The following CDK19 variants were observed in gnomAD, a reference collection of about 807,000 sequenced individuals.
CDK19 encodes cyclin-dependent kinase 19.
A neutral mutation model predicts 68.3 loss-of-function variants in CDK19; 20 were observed. The ratio of observed to expected loss-of-function variants is 0.29; its 90% confidence interval spans 0.21 to 0.43. CDK19 has a LOEUF of 0.43. CDK19 is among the 20% of genes least tolerant of loss of function. The pLI, the probability that CDK19 is intolerant of heterozygous loss-of-function variation, is 1.00. For missense variants in CDK19, 339 were observed against 623.5 expected (o/e 0.54, Z 4.86); for synonymous variants, 221 against 222.8 (o/e 0.99, Z 0.07).
rs1283305254 is a variant in CDK19, at chr6:110,621,828, CAGAA to C, written c.1110+256_1110+259del. Among the ~76,000 whole-genome samples the C allele has an allele frequency of 3.9e-5, 6 of 152,106 alleles. No homozygotes were observed. Among genetic ancestry groups the C allele is most frequent in the African/African-American group, 1.4e-4 (6 of 41,400 alleles). On this transcript the variant is annotated intron_variant, in intron 11 of 12. Coordinates refer to ENST00000368911, the MANE Select transcript of CDK19 (RefSeq NM_015076.5). The surrounding 1 kb of genome is among the most constrained non-coding windows in gnomAD (Gnocchi z 5.4). ...AGGGGTGGTAGTGACACCAAACAAA[CAGAA>C]AGAGCAAGAAGTGGGAATCCGGGAG... is the stretch of plus-strand genomic sequence containing the variant.
intron 2 of CDK19, among the ~76,000 whole-genome samples, chr6:110,682,209 T>A (rs1204002712): frequency 1.3e-5 from 2 of 152,226 alleles, no homozygotes; most frequent in African/African-American, 4.8e-5. Flanking sequence ...TGATCTCTTT[T>A]AAGTAACAGT....
intron 5 of CDK19, among the ~76,000 whole-genome samples, chr6:110,637,939 C>T (rs548606184): frequency 3.9e-5 from 6 of 152,124 alleles, no homozygotes; most frequent in Non-Finnish European, 7.4e-5. Context: ...GCCAAGATCG[C>T]GCCATTGCAC....
At chr6:110,781,427 C>T (rs1780811092) in intron 1 of CDK19, among the ~76,000 whole-genome samples, 3 of 152,168 alleles carry the variant, frequency 2.0e-5, no homozygotes, top group African/African-American at 7.2e-5. Context: ...TCCCAGTTAG[C>T]CCCACTTCCA....
chr6:110,765,733 T>C (rs1487774085), intron 1 of CDK19, among the ~76,000 whole-genome samples: 1 of 149,370 alleles, frequency 6.7e-6, no homozygotes, highest in Non-Finnish European at 1.5e-5. Flanking sequence ...TATATATAAA[T>C]ATAACATGGG....
At chr6:110,724,384 C>T (rs1256143444) in intron 2 of CDK19, among the ~76,000 whole-genome samples, 1 of 151,954 alleles carries the variant, frequency 6.6e-6, no homozygotes, top group Non-Finnish European at 1.5e-5. Context: ...AAAACAAGTA[C>T]ATAATGTGGT....
At chr6:110,645,724 G>A (rs2114819821) in intron 4 of CDK19, 2 of 448,350 alleles carry the variant, frequency 4.5e-6, no homozygotes. Context: ...GAGGCCAACA[G>A]AGTCCCTACA....
chr6:110,613,747 A>G lies in CDK19; in HGVS notation c.*788T>C, dbSNP rs1778144601. 6.6e-6 allele frequency: 1 copy of G among 152,610 alleles called. No homozygotes were observed. The highest frequency in any genetic ancestry group is 2.4e-5 in the African/African-American group (1 of 41,452). 9.5% of individuals were successfully genotyped at this position (152,610 alleles called of 1,614,324 possible). ...TACAAAGCTCTTGAAACCCTTTTTA[A>G]GGTAGACTTAGCTACATGAAGGTTA... On this transcript the variant is annotated 3_prime_UTR_variant, in exon 13 of 13. Transcript: ENST00000368911.
intron 2 of CDK19, among the ~76,000 whole-genome samples, chr6:110,716,424 CAAAG>C (rs1012640674): frequency 2.6e-5 from 4 of 151,242 alleles, no homozygotes; most frequent in African/African-American, 9.7e-5. Flanking sequence ...AAAATTGTAA[CAAAG>C]AAAAAAAAAC....
At chr6:110,805,181 A>T (rs1782598266) in intron 1 of CDK19, among the ~76,000 whole-genome samples, 1 of 152,176 alleles carries the variant, frequency 6.6e-6, no homozygotes, top group South Asian at 2.1e-4. Flanking sequence ...AGCTATTTGT[A>T]AATGGACAAA....
intron 2 of CDK19, among the ~76,000 whole-genome samples, chr6:110,718,496 T>C (rs541356438): frequency 1.6e-3 from 236 of 152,186 alleles, no homozygotes; most frequent in African/African-American, 5.5e-3. Context: ...GTGTATAGTG[T>C]GTAGAACAAA....
intron 1 of CDK19, among the ~76,000 whole-genome samples, chr6:110,764,832 C>T (rs1166759175): frequency 6.6e-6 from 1 of 151,756 alleles, no homozygotes; most frequent in Admixed American, 6.6e-5. Flanking sequence ...GCACCTGTAA[C>T]CCCAGCTACT....
chr6:110,626,430 T>C (rs1260091794), intron 8 of CDK19, among the ~76,000 whole-genome samples: 1 of 152,252 alleles, frequency 6.6e-6, no homozygotes, highest in Non-Finnish European at 1.5e-5. Flanking sequence ...CCAAAATTCA[T>C]GTTGAAACTT....
chr6:110,676,609 C>A (rs1487797383), intron 2 of CDK19, among the ~76,000 whole-genome samples: 1 of 152,116 alleles, frequency 6.6e-6, no homozygotes, highest in East Asian at 1.9e-4. Flanking sequence ...AGTTAGCAGC[C>A]ATCAATACTG....
intron 2 of CDK19, among the ~76,000 whole-genome samples, chr6:110,691,136 A>C (rs1441674177): frequency 6.6e-6 from 1 of 152,174 alleles, no homozygotes; most frequent in Non-Finnish European, 1.5e-5. Context: ...TTTTAAAAAA[A>C]ATCCAGGATA....
chr6:110,733,598 T>C (rs918928308), intron 2 of CDK19, among the ~76,000 whole-genome samples: 1 of 152,188 alleles, frequency 6.6e-6, no homozygotes, highest in Admixed American at 6.6e-5. Flanking sequence ...TCATTAACAA[T>C]GGTATTATCA....
chr6:110,740,182 T>C (rs967934670), intron 2 of CDK19, among the ~76,000 whole-genome samples: 18 of 152,312 alleles, frequency 1.2e-4, no homozygotes, highest in Non-Finnish European at 2.1e-4. Flanking sequence ...CCTTTTTCTA[T>C]ATTGTCTGCT....
chr6:110,739,878 A>G (rs1777526595), intron 2 of CDK19, among the ~76,000 whole-genome samples: 1 of 151,808 alleles, frequency 6.6e-6, no homozygotes, highest in Admixed American at 6.6e-5. Flanking sequence ...GGCCTCAAGC[A>G]ATCATCCCAC....
chr6:110,809,694 C>T (rs536136926), intron 1 of CDK19, among the ~76,000 whole-genome samples: 72 of 152,180 alleles, frequency 4.7e-4, no homozygotes, highest in African/African-American at 1.6e-3. Flanking sequence ...AATAAACTTG[C>T]GTTTTTAAAG....
intron 2 of CDK19, among the ~76,000 whole-genome samples, chr6:110,703,051 T>C (rs534974807): frequency 6.6e-6 from 1 of 152,328 alleles, no homozygotes; most frequent in African/African-American, 2.4e-5. Flanking sequence ...AAATTATTTT[T>C]TGTAAAAGTC....
Sources: gnomAD v4.1 joint callset for allele counts (sites outside exome capture counted in the v4.1 genomes callset) on GRCh38, gnomAD v4.1.1 for gene constraint, Gnocchi (gnomAD v3.1) non-coding constraint, MANE v1.5 for transcripts, NCBI Gene and HGNC (gene_info 2026-07-23, HGNC 2026-07-21) for gene names.